The following SCOC variants were observed in gnomAD, a reference collection of about 807,000 sequenced individuals.
SCOC encodes short coiled-coil protein, also known as short coiled coil protein.
SCOC carries 7 observed loss-of-function variants against 9.9 expected under a neutral mutation model. The observed-to-expected ratio is 0.71, with a 90% confidence interval of 0.40 to 1.33. The LOEUF (loss-of-function observed/expected upper bound fraction) is 1.33. Ranked by LOEUF, SCOC falls within the 40% of genes most tolerant of loss-of-function variation. The pLI is 0.01. For synonymous variants in SCOC, 19 were observed against 28.2 expected (o/e 0.67, Z 1.03); for missense variants, 66 against 89.7 (o/e 0.74, Z 1.07).
intron 2 of SCOC, chr4:140,366,380 C>T: frequency 7.8e-7 from 1 of 1,279,064 alleles, no homozygotes; most frequent in Non-Finnish European, 1.1e-6. Context: ...CTGCAGCGGT[C>T]ATCTTTTTGC....
chr4:140,370,320 A>C (rs1301945153), upstream of SCOC, among the ~76,000 whole-genome samples: 5 of 152,236 alleles, frequency 3.3e-5, no homozygotes, highest in Non-Finnish European at 7.3e-5. Context: ...ATTGGAAAAG[A>C]AAGCATGTTC....
At chr4:140,317,483 CT>C (rs1458298527) in intron 1 of SCOC, among the ~76,000 whole-genome samples, 3 of 152,118 alleles carry the variant, frequency 2.0e-5, no homozygotes, top group Non-Finnish European at 4.4e-5. Context: ...CACGTACCTA[CT>C]GCTTGCTCAA....
At chr4:140,311,527 G>A (rs1272183857) in intron 1 of SCOC, among the ~76,000 whole-genome samples, 1 of 152,120 alleles carries the variant, frequency 6.6e-6, no homozygotes, top group Non-Finnish European at 1.5e-5. Context: ...GGGTGGAGAT[G>A]AGGACCCCAC....
chr4:140,385,015 A>G lies in SCOC; in HGVS notation c.*3911A>G, dbSNP rs1169457185. 3 of 151,722 alleles carry G rather than the reference A, an allele frequency of 2.0e-5. No individual in the cohort carries two copies. The highest frequency in any genetic ancestry group is 4.4e-5 in the Non-Finnish European group (3 of 67,898). 9.4% of individuals were successfully genotyped at this position (151,722 alleles called of 1,614,324 possible). On this transcript the variant is annotated 3_prime_UTR_variant, in exon 4 of 4. Coordinates refer to ENST00000608372, the MANE Select transcript of SCOC (RefSeq NM_001153484.2). ...CTGATCTCTCAGACTTCCAGCTTCC[A>G]AAACTGAGAAATAAATTTGTTTATA...
chr4:140,357,038 C>T (rs1265074878), intron 2 of SCOC, among the ~76,000 whole-genome samples: 3 of 152,108 alleles, frequency 2.0e-5, no homozygotes, highest in South Asian at 2.1e-4. Flanking sequence ...GGTGCAATCT[C>T]GGCTCACTGC....
At chr4:140,265,718 T>C (rs1730718104) in intron 1 of SCOC, among the ~76,000 whole-genome samples, 1 of 152,232 alleles carries the variant, frequency 6.6e-6, no homozygotes. Flanking sequence ...TAGTTCACGA[T>C]GTACAGAGCA....
At chr4:140,269,229 T>C (rs530549984) in intron 1 of SCOC, among the ~76,000 whole-genome samples, 5 of 152,344 alleles carry the variant, frequency 3.3e-5, no homozygotes, top group African/African-American at 1.2e-4. Flanking sequence ...GAGGGATTCA[T>C]ATCTCCTGCT....
At chr4:140,270,004 G>A (rs1730807189) in intron 1 of SCOC, among the ~76,000 whole-genome samples, 1 of 152,212 alleles carries the variant, frequency 6.6e-6, no homozygotes, top group Admixed American at 6.5e-5. Flanking sequence ...TCCTGTCTTG[G>A]TCTCCCAAAG....
chr4:140,381,367 T>C lies in SCOC; in HGVS notation c.*263T>C. 2 of 272,748 alleles carry C rather than the reference T, an allele frequency of 7.3e-6. No homozygotes were observed. The highest frequency in any genetic ancestry group is 1.1e-4 in the South Asian group (2 of 17,998). The allele number at this position is 272,748 out of a possible 1,614,324, so 16.9% of individuals were successfully genotyped here. A position where few individuals can be genotyped will look rare whatever the true frequency, so the allele number is the denominator to read the frequency against. ...ATGAAACTTAAAGATGAATGTTTTA[T>C]TGAATTTGTAGGTTTAGCACTGTCT... On this transcript the variant is annotated 3_prime_UTR_variant, in exon 4 of 4. Coordinates refer to ENST00000608372, the MANE Select transcript of SCOC (RefSeq NM_001153484.2).
chr4:140,381,214 A>C lies in SCOC; in HGVS notation c.*110A>C. The C allele has an allele frequency of 9.3e-7, 1 of 1,075,932 alleles. No homozygotes were observed. Among genetic ancestry groups the C allele is most frequent in the Non-Finnish European group, 1.3e-6 (1 of 760,956 alleles). The allele number at this position is 1,075,932 out of a possible 1,614,324, so 66.6% of individuals were successfully genotyped here. A position where few individuals can be genotyped will look rare whatever the true frequency, so the allele number is the denominator to read the frequency against. On this transcript the variant is annotated 3_prime_UTR_variant, in exon 4 of 4. Transcript: ENST00000608372. The stretch of plus-strand genomic sequence containing the variant: ...TTTGTGGCTTCATTGAATATTTATG[A>C]AGATAATGTCAGATGTAGACAAAAA...
chr4:140,257,610 T>C (rs917335550), intron 1 of SCOC, among the ~76,000 whole-genome samples: 3 of 152,142 alleles, frequency 2.0e-5, no homozygotes, highest in African/African-American at 7.2e-5. Context: ...GGAGCCTGGG[T>C]TGTGTAAATA....
chr4:140,360,064 T>C (rs1458380256), intron 2 of SCOC, among the ~76,000 whole-genome samples: 1 of 152,200 alleles, frequency 6.6e-6, no homozygotes, highest in African/African-American at 2.4e-5. Context: ...GACAGGTCCC[T>C]TGAGAACTAT....
At chr4:140,316,816 T>C (rs982514605) in intron 1 of SCOC, among the ~76,000 whole-genome samples, 2 of 152,208 alleles carry the variant, frequency 1.3e-5, no homozygotes, top group Non-Finnish European at 2.9e-5. Flanking sequence ...TGGGAATGGA[T>C]TACTTTTGTA....
intron 1 of SCOC, chr4:140,314,238 G>A (rs935199565): frequency 5.3e-5 from 11 of 206,592 alleles, no homozygotes; most frequent in Admixed American, 2.6e-4. Flanking sequence ...TGTCAGTTTT[G>A]AAAACATAAT....
intron 2 of SCOC, 59 bp downstream of exon 2, chr4:140,379,251 T>A: frequency 1.8e-6 from 2 of 1,136,390 alleles, no homozygotes; most frequent in Non-Finnish European, 2.7e-6. Flanking sequence ...TTTGCTTTAT[T>A]AAGCAATGGA....
At chr4:140,360,990 G>C (rs1031996424) in intron 2 of SCOC, 2 of 151,626 alleles carry the variant, frequency 1.3e-5, no homozygotes, top group African/African-American at 4.8e-5. Flanking sequence ...TAAAGAAGGA[G>C]GAAGAAAAAT....
chr4:140,366,590 A>T (rs1727808262), intron 2 of SCOC: 1 of 1,605,234 alleles, frequency 6.2e-7, no homozygotes, highest in Non-Finnish European at 8.5e-7. Flanking sequence ...TTCTTGGCCC[A>T]TCGTGTGGCT....
intron 2 of SCOC, among the ~76,000 whole-genome samples, chr4:140,367,534 C>G (rs183301489): frequency 1.8e-3 from 271 of 152,030 alleles, no homozygotes; most frequent in African/African-American, 6.4e-3. Context: ...TGTGTGCTGC[C>G]ATGCCTGGCT....
intron 1 of SCOC, among the ~76,000 whole-genome samples, chr4:140,285,946 T>C (rs1024635155): frequency 1.3e-5 from 2 of 152,044 alleles, no homozygotes. Context: ...GCACTTTGGG[T>C]GGCTGAGGCA....
Sources: allele counts gnomAD v4.1 joint callset (sites outside exome capture counted in the v4.1 genomes callset), GRCh38; gene constraint gnomAD v4.1.1; transcripts MANE v1.5; gene names NCBI Gene and HGNC (gene_info 2026-07-23, HGNC 2026-07-21).